The following CPS1 variants were observed in gnomAD, a reference collection of about 807,000 sequenced individuals.
CPS1 encodes the protein carbamoyl-phosphate synthase [ammonia], mitochondrial.
CPS1 carries 109 observed loss-of-function variants against 174.6 expected under a neutral mutation model. That is an observed-to-expected ratio of 0.62 (90% CI 0.53 to 0.73). CPS1 has a LOEUF of 0.73. Ranked by LOEUF, CPS1 falls within the 30% of genes least tolerant of loss-of-function variation. CPS1 has a pLI of 0.00. For missense variants in CPS1, 1,689 were observed against 1,821.9 expected (o/e 0.93, Z 1.33); for synonymous variants, 637 against 632.0 (o/e 1.01, Z -0.12).
upstream of CPS1, among the ~76,000 whole-genome samples, chr2:210,554,136 T>C (rs1307633689): frequency 2.1e-5 from 2 of 93,916 alleles, no homozygotes; most frequent in Non-Finnish European, 5.4e-5. Context: ...TATACATACA[T>C]ATATATATGT....
chr2:210,545,818 T>C (rs1356678394), intron 1 of CPS1, among the ~76,000 whole-genome samples: 2 of 152,076 alleles, frequency 1.3e-5, no homozygotes, highest in African/African-American at 4.8e-5. Flanking sequence ...TGTAATTCTT[T>C]TTGTTCTCTT....
chr2:210,625,383 C>A (rs1185912654), intron 21 of CPS1, among the ~76,000 whole-genome samples: 2 of 151,996 alleles, frequency 1.3e-5, no homozygotes, highest in Non-Finnish European at 2.9e-5. Flanking sequence ...AATATGAATT[C>A]ATGAAAGTTT....
chr2:210,552,548 A>G (rs985107903), upstream of CPS1, among the ~76,000 whole-genome samples: 4 of 152,012 alleles, frequency 2.6e-5, no homozygotes, highest in Non-Finnish European at 5.9e-5. Context: ...AAGTCTCTGT[A>G]CCTTCAAAGG....
chr2:210,634,345 G>A (rs1368278507), intron 21 of CPS1, among the ~76,000 whole-genome samples: 2 of 152,182 alleles, frequency 1.3e-5, no homozygotes, highest in African/African-American at 2.4e-5. Context: ...CAGCAGAATG[G>A]TGTGAGCCCG....
rs762783091 is a variant in CPS1, at chr2:210,677,997, C to T, written c.*12C>T. ...GAAAAGCAGCATAGAGATGCAGACA[C>T]CCCAGCCCCATTATTAAATCAACCT... On this transcript the variant is annotated 3_prime_UTR_variant, in exon 38 of 38. Transcript: ENST00000233072. 6.3e-7 allele frequency: 1 copy of T among 1,582,900 alleles called. No homozygotes were observed. Among genetic ancestry groups the T allele is most frequent in the Non-Finnish European group, 8.7e-7 (1 of 1,151,512 alleles).
chr2:210,512,936 GGA>G lies in CPS1; in HGVS notation c.3+35175_3+35176del, dbSNP rs1489404811. The stretch of plus-strand genomic sequence containing the variant: ...TATATATATGGAGATATATATATAT[GGA>G]GAGATATATATATGGAGATATATAT... On this transcript the variant is annotated intron_variant, in intron 1 of 38. Coordinates refer to the CPS1 transcript ENST00000430249. Among the ~76,000 whole-genome samples, 301 of 48,858 alleles carry G rather than the reference GGA, an allele frequency of 6.2e-3. 83 individuals are homozygous for G. Among genetic ancestry groups the G allele is most frequent in the Non-Finnish European group, 8.3e-3 (227 of 27,196 alleles). The allele number at this position is 48,858 out of a possible 152,430, so 32.1% of individuals were successfully genotyped here. A position where few individuals can be genotyped will look rare whatever the true frequency, so the allele number is the denominator to read the frequency against.
At position 210,556,983 on chromosome 2, in the gene CPS1, G is replaced by A. The variant is rs60586565; in HGVS notation, c.126+124G>A. 5,445 of 1,149,068 alleles carry A rather than the reference G, an allele frequency of 4.7e-3. 168 individuals carry two copies. In the African/African-American group the frequency reaches 0.073, roughly 15 times the overall value. 71.2% of individuals were successfully genotyped at this position (1,149,068 alleles called of 1,614,324 possible). On this transcript the variant is annotated intron_variant, in intron 1 of 37. Coordinates refer to ENST00000233072, the MANE Select transcript of CPS1 (RefSeq NM_001875.5). ...AGCTCTGAAGTACTAATGTATTAATGTTTCCTTTACTGTGGAACCTACTGA... is the reference window on the plus strand; with the variant it reads ...AGCTCTGAAGTACTAATGTATTAATATTTCCTTTACTGTGGAACCTACTGA...
chr2:210,555,148 C>G (rs1228437280), upstream of CPS1, among the ~76,000 whole-genome samples: 1 of 151,960 alleles, frequency 6.6e-6, no homozygotes, highest in Non-Finnish European at 1.5e-5. Context: ...CCATTCTATA[C>G]CCTGCATCTA....
chr2:210,602,792 G>A (rs982560100), intron 16 of CPS1, among the ~76,000 whole-genome samples: 8 of 151,906 alleles, frequency 5.3e-5, no homozygotes, highest in African/African-American at 1.9e-4. Flanking sequence ...TGAGTAGTTT[G>A]ACTTTACTCA....
At chr2:210,625,878 C>G (rs994571812) in intron 21 of CPS1, among the ~76,000 whole-genome samples, 2 of 152,034 alleles carry the variant, frequency 1.3e-5, no homozygotes, top group Admixed American at 1.3e-4. Flanking sequence ...TTTTTCATAA[C>G]AGTGAAAATC....
intron 17 of CPS1, 132 bp downstream of exon 17, chr2:210,605,378 A>C: frequency 1.0e-6 from 1 of 982,654 alleles, no homozygotes; most frequent in Non-Finnish European, 1.6e-6. Flanking sequence ...CATTTTGGAC[A>C]AGCATAGTAT....
intron 1 of CPS1, among the ~76,000 whole-genome samples, chr2:210,510,021 A>T (rs1393640876): frequency 6.6e-6 from 1 of 152,182 alleles, no homozygotes; most frequent in Non-Finnish European, 1.5e-5. Flanking sequence ...AATTGGAGAA[A>T]ACTACTTTAA....
chr2:210,616,699 GTT>G (rs76911251), intron 21 of CPS1, among the ~76,000 whole-genome samples, 158 bp downstream of exon 21: 3 of 141,262 alleles, frequency 2.1e-5, no homozygotes, highest in South Asian at 2.2e-4. Context: ...CAAATGGCAG[GTT>G]TTTTTTTTTT....
At chr2:210,675,926 G>A in intron 36 of CPS1, 86 bp downstream of exon 36, 1 of 766,612 alleles carries the variant, frequency 1.3e-6, no homozygotes, top group Non-Finnish European at 2.4e-6. Context: ...TTACTTGATT[G>A]CAAGTCTTTT....
intron 1 of CPS1, among the ~76,000 whole-genome samples, chr2:210,507,828 CTA>C (rs1695333126): frequency 6.6e-6 from 1 of 152,032 alleles, no homozygotes; most frequent in African/African-American, 2.4e-5. Flanking sequence ...GAAGAGCTAA[CTA>C]TCCTAAATAT....
At chr2:210,512,736 T>TTA (rs71043996) in intron 1 of CPS1, among the ~76,000 whole-genome samples, 208 of 46,658 alleles carry the variant, frequency 4.5e-3, no homozygotes, top group Admixed American at 5.7e-3. Context: ...TCCAGTAGTT[T>TTA]TATATATATA....
chr2:210,675,036 G>A, intron 35 of CPS1, 75 bp downstream of exon 35: 1 of 1,200,796 alleles, frequency 8.3e-7, no homozygotes, highest in Non-Finnish European at 1.2e-6. Flanking sequence ...CAGAATATTG[G>A]AAAAGAAATA....
At chr2:210,507,171 T>C (rs1018053780) in intron 1 of CPS1, among the ~76,000 whole-genome samples, 3 of 152,190 alleles carry the variant, frequency 2.0e-5, no homozygotes, top group African/African-American at 7.2e-5. Flanking sequence ...AGACTAACAA[T>C]GGATCTCTCG....
intron 5 of CPS1, among the ~76,000 whole-genome samples, chr2:210,580,677 C>T (rs1421894359): frequency 1.3e-5 from 2 of 151,812 alleles, no homozygotes; most frequent in African/African-American, 4.8e-5. Flanking sequence ...GCCTAGCCAA[C>T]ATGGTGAAAC....
Sources: allele counts gnomAD v4.1 joint callset (sites outside exome capture counted in the v4.1 genomes callset), GRCh38; gene constraint gnomAD v4.1.1; transcripts MANE v1.5; gene names NCBI Gene and HGNC (gene_info 2026-07-23, HGNC 2026-07-21).